Variants in NEMP2 observed in about 807,000 individuals in gnomAD.
NEMP2 encodes the protein nuclear envelope integral membrane protein 2, also known as UPF0571 transmembrane protein.
A neutral mutation model predicts 54.2 loss-of-function variants in NEMP2; 53 were observed. The observed-to-expected ratio is 0.98, with a 90% confidence interval of 0.78 to 1.23. NEMP2 has a LOEUF of 1.23. NEMP2 is among the 50% of genes most tolerant of loss of function. The probability of loss-of-function intolerance (pLI) is 0.00; values close to 1 mark genes in which losing one functional copy is unlikely to be tolerated. For missense variants in NEMP2, 455 were observed against 511.3 expected (o/e 0.89, Z 1.06); for synonymous variants, 197 against 190.3 (o/e 1.04, Z -0.29).
chr2:190,589,666 G>C, the NEMP2 span, among the ~76,000 whole-genome samples: 2 of 152,124 alleles, frequency 1.3e-5, no homozygotes, highest in Admixed American at 1.3e-4. This position sits in a 1 kb window ranked among gnomAD's most constrained non-coding sequence, Gnocchi z 4.3. Flanking sequence ...TGCTGTGGCT[G>C]TTCAACCTCA....
chr2:190,490,263 TAA>T, the NEMP2 span, among the ~76,000 whole-genome samples: 24 of 144,010 alleles, frequency 1.7e-4, no homozygotes, highest in Non-Finnish European at 2.3e-4. The surrounding 1 kb of genome is among the most constrained non-coding windows in gnomAD (Gnocchi z 4.5). Context: ...CTTCATTTGT[TAA>T]AAAAAAAAAA....
At chr2:190,633,732 T>C in the NEMP2 span, among the ~76,000 whole-genome samples, 1 of 152,190 alleles carries the variant, frequency 6.6e-6, no homozygotes, top group African/African-American at 2.4e-5. Context: ...AGAGATAACA[T>C]ATCAATTAAC....
At chr2:190,467,315 G>C in the NEMP2 span, among the ~76,000 whole-genome samples, 3 of 152,256 alleles carry the variant, frequency 2.0e-5, no homozygotes, top group Non-Finnish European at 4.4e-5. The surrounding 1 kb of genome is among the most constrained non-coding windows in gnomAD (Gnocchi z 5.5). Flanking sequence ...TAAATCTGAT[G>C]TCCAGCCAAG....
chr2:190,439,538 C>A, the NEMP2 span, among the ~76,000 whole-genome samples: 3 of 152,144 alleles, frequency 2.0e-5, no homozygotes, highest in Non-Finnish European at 4.4e-5. The surrounding 1 kb of genome is among the most constrained non-coding windows in gnomAD (Gnocchi z 5.8). Flanking sequence ...ACATATGCAG[C>A]ATTTTCATGA....
the NEMP2 span, among the ~76,000 whole-genome samples, chr2:190,498,589 C>T: frequency 3.3e-5 from 5 of 152,170 alleles, no homozygotes; most frequent in Non-Finnish European, 7.3e-5. This position sits in a 1 kb window ranked among gnomAD's most constrained non-coding sequence, Gnocchi z 5.9. Flanking sequence ...GCATGCTAGT[C>T]CATGCATGAT....
chr2:190,612,258 C>A, the NEMP2 span, among the ~76,000 whole-genome samples: 1 of 149,732 alleles, frequency 6.7e-6, no homozygotes, highest in Admixed American at 6.8e-5. Flanking sequence ...CAGGTTCAAG[C>A]GATTCTTCTG....
chr2:190,546,570 G>C, the NEMP2 span, among the ~76,000 whole-genome samples: 2 of 152,072 alleles, frequency 1.3e-5, no homozygotes, highest in African/African-American at 4.8e-5. This position sits in a 1 kb window ranked among gnomAD's most constrained non-coding sequence, Gnocchi z 5.1. Context: ...CCTGAAATTA[G>C]ATATATTTTT....
At chr2:190,647,618 T>G in the NEMP2 span, among the ~76,000 whole-genome samples, 38 of 152,338 alleles carry the variant, frequency 2.5e-4, no homozygotes, top group Admixed American at 3.3e-4. Flanking sequence ...TCTTTAATTT[T>G]TCCACTTTTT....
chr2:190,580,042 G>C, the NEMP2 span, among the ~76,000 whole-genome samples: 1 of 152,138 alleles, frequency 6.6e-6, no homozygotes, highest in African/African-American at 2.4e-5. The surrounding 1 kb of genome is among the most constrained non-coding windows in gnomAD (Gnocchi z 5.3). Context: ...TCAGTCTAAT[G>C]TACTTTGAAT....
At position 190,525,281 on chromosome 2, in the gene NEMP2, G is replaced by GT. The variant is rs1690892560; in HGVS notation, c.194dup (p.Tyr65Ter). The GT allele has an allele frequency of 6.5e-7, 1 of 1,544,824 alleles. No homozygotes were observed. Among genetic ancestry groups the GT allele is most frequent in the Non-Finnish European group, 8.8e-7 (1 of 1,141,042 alleles). ...CCCTTACCTGCATAGTTGACCATAT[G>GT]TATTTCCACTCCACTTGGGAATTTT... is the stretch of plus-strand genomic sequence containing the variant. ...YNQNSQVEWKYIWSTMQVKIT... is the reference protein window; with the variant it reads ...YNQNSQVEWK The change falls in exon 2 of 9, where the codon TAC (tyrosine) becomes TAAC (stop). Residue 65 changes from tyrosine (Y) to a stop codon, truncating the protein, a stop_gained and frameshift_variant. Coordinates refer to ENST00000409150, the MANE Select transcript of NEMP2 (RefSeq NM_001142645.2). LOFTEE classifies it high-confidence loss of function. The surrounding 1 kb of genome is among the most constrained non-coding windows in gnomAD (Gnocchi z 5.0).
chr2:190,434,297 A>G, the NEMP2 span, among the ~76,000 whole-genome samples: 7 of 152,330 alleles, frequency 4.6e-5, no homozygotes, highest in Non-Finnish European at 7.3e-5. This position sits in a 1 kb window ranked among gnomAD's most constrained non-coding sequence, Gnocchi z 4.3. Flanking sequence ...CTTGATGCAC[A>G]CAAGACCTTT....
the NEMP2 span, among the ~76,000 whole-genome samples, chr2:190,565,771 T>C: frequency 6.6e-6 from 1 of 152,116 alleles, no homozygotes; most frequent in Non-Finnish European, 1.5e-5. Context: ...AATATGCTCT[T>C]TGAAAGGATG....
At chr2:190,537,938 C>T (rs1339556730), upstream of NEMP2, among the ~76,000 whole-genome samples, 1 of 152,158 alleles carries the variant, frequency 6.6e-6, no homozygotes, top group Non-Finnish European at 1.5e-5. Context: ...ACCCCATTGG[C>T]TCCTCAGCCA....
chr2:190,516,899 T>C (rs1690578408), intron 5 of NEMP2, among the ~76,000 whole-genome samples: 1 of 152,104 alleles, frequency 6.6e-6, no homozygotes, highest in African/African-American at 2.4e-5. Context: ...AAGACCAGCC[T>C]GGGCAACATG....
At chr2:190,535,740 T>A (rs1241986427), upstream of NEMP2, 1 of 152,232 alleles carries the variant, frequency 6.6e-6, no homozygotes, top group African/African-American at 2.4e-5. Flanking sequence ...ACACCATGTA[T>A]GGCTTTTAAA....
the NEMP2 span, among the ~76,000 whole-genome samples, chr2:190,640,759 C>T: frequency 6.6e-5 from 9 of 135,484 alleles, no homozygotes; most frequent in East Asian, 2.2e-4. Flanking sequence ...TGTGACAATT[C>T]GCCAACTCAT....
the NEMP2 span, among the ~76,000 whole-genome samples, chr2:190,632,742 G>A: frequency 6.6e-6 from 1 of 151,860 alleles, no homozygotes; most frequent in Non-Finnish European, 1.5e-5. The surrounding 1 kb of genome is among the most constrained non-coding windows in gnomAD (Gnocchi z 4.8). Context: ...CCATAACTAA[G>A]GGGGGCAACT....
the NEMP2 span, among the ~76,000 whole-genome samples, chr2:190,433,072 G>A: frequency 2.6e-5 from 4 of 152,020 alleles, no homozygotes; most frequent in Non-Finnish European, 4.4e-5. This position sits in a 1 kb window ranked among gnomAD's most constrained non-coding sequence, Gnocchi z 4.5. Flanking sequence ...TTGCTATTAT[G>A]TGCCCTTTAA....
chr2:190,477,231 G>C, the NEMP2 span: 1 of 979,458 alleles, frequency 1.0e-6, no homozygotes, highest in Non-Finnish European at 1.2e-6. Flanking sequence ...CATTAAACAG[G>C]AACTGCAGGT....
Sources: gnomAD v4.1 joint callset for allele counts (sites outside exome capture counted in the v4.1 genomes callset) on GRCh38, gnomAD v4.1.1 for gene constraint, Gnocchi (gnomAD v3.1) non-coding constraint, MANE v1.5 for transcripts, NCBI Gene and HGNC (gene_info 2026-07-23, HGNC 2026-07-21) for gene names.